Variants in STPG2 observed in about 807,000 individuals in gnomAD.
STPG2 encodes sperm-tail PG-rich repeat-containing protein 2.
In STPG2, 56 loss-of-function variants were observed where a neutral mutation model predicts 54.2. The ratio of observed to expected loss-of-function variants is 1.03; its 90% CI spans 0.83 to 1.29. The LOEUF is 1.29. Ranked by LOEUF, STPG2 falls within the 50% of genes most tolerant of loss-of-function variation. The pLI is 0.00. For missense variants in STPG2, 596 were observed against 544.9 expected (o/e 1.09, Z -0.93); for synonymous variants, 200 against 181.8 (o/e 1.10, Z -0.81).
At chr4:97,975,033 G>T (rs954440881) in intron 6 of STPG2, among the ~76,000 whole-genome samples, 2 of 152,096 alleles carry the variant, frequency 1.3e-5, no homozygotes, top group African/African-American at 4.8e-5. Flanking sequence ...AGTAAAAAAA[G>T]GCAGACTCAA....
intron 5 of STPG2, among the ~76,000 whole-genome samples, chr4:98,036,621 A>T (rs973795561): frequency 6.6e-6 from 1 of 152,042 alleles, no homozygotes; most frequent in African/African-American, 2.4e-5. Context: ...ACACATGGAC[A>T]CCGAGAGGAA....
intron 8 of STPG2, among the ~76,000 whole-genome samples, chr4:97,853,327 T>C (rs373478188): frequency 6.6e-6 from 1 of 152,200 alleles, no homozygotes; most frequent in Non-Finnish European, 1.5e-5. Flanking sequence ...TTGCCAGATT[T>C]ATAGTGCTTA....
At chr4:97,601,873 T>C (rs763522722) in intron 10 of STPG2, among the ~76,000 whole-genome samples, 1 of 151,888 alleles carries the variant, frequency 6.6e-6, no homozygotes, top group Non-Finnish European at 1.5e-5. Flanking sequence ...ATAGATCAAG[T>C]TGGGAGAATT....
At chr4:97,580,050 T>C (rs777734066) in intron 10 of STPG2, among the ~76,000 whole-genome samples, 3 of 151,998 alleles carry the variant, frequency 2.0e-5, no homozygotes, top group Non-Finnish European at 4.4e-5. Flanking sequence ...GTAAATATAT[T>C]AACTTTTTCA....
intron 4 of STPG2, among the ~76,000 whole-genome samples, chr4:97,525,303 G>A (rs1478591000): frequency 6.6e-6 from 1 of 151,854 alleles, no homozygotes; most frequent in Non-Finnish European, 1.5e-5. Flanking sequence ...TTATGGGGCA[G>A]CTATAACCTC....
At chr4:97,458,893 C>T (rs1729590249) in intron 4 of STPG2, among the ~76,000 whole-genome samples, 1 of 152,006 alleles carries the variant, frequency 6.6e-6, no homozygotes, top group Non-Finnish European at 1.5e-5. Context: ...TAACTAAATT[C>T]AATGGATAAT....
At chr4:97,961,947 G>A (rs1733904689) in intron 7 of STPG2, among the ~76,000 whole-genome samples, 1 of 152,074 alleles carries the variant, frequency 6.6e-6, no homozygotes, top group Non-Finnish European at 1.5e-5. Context: ...GTAAAAATGT[G>A]GAACCAACCC....
At chr4:97,750,117 A>G (rs950743970) in intron 9 of STPG2, among the ~76,000 whole-genome samples, 2 of 151,880 alleles carry the variant, frequency 1.3e-5, no homozygotes, top group Non-Finnish European at 2.9e-5. Flanking sequence ...ATCCAGGCCA[A>G]AATAGAATGC....
intron 1 of STPG2, among the ~76,000 whole-genome samples, chr4:98,141,749 G>A (rs1318771201): frequency 6.6e-6 from 1 of 152,002 alleles, no homozygotes; most frequent in African/African-American, 2.4e-5. Flanking sequence ...ACTCATATTT[G>A]GCTCGGAATA....
intron 10 of STPG2, among the ~76,000 whole-genome samples, chr4:97,638,560 C>T (rs1179242132): frequency 1.3e-5 from 2 of 150,806 alleles, no homozygotes; most frequent in African/African-American, 4.9e-5. Flanking sequence ...AACAGGCAAC[C>T]TACAAAATGG....
At chr4:97,692,161 G>T (rs1171676580) in intron 10 of STPG2, among the ~76,000 whole-genome samples, 1 of 152,078 alleles carries the variant, frequency 6.6e-6, no homozygotes, top group East Asian at 1.9e-4. Flanking sequence ...AAGCTCACCA[G>T]CAGTGGATCA....
intron 8 of STPG2, among the ~76,000 whole-genome samples, chr4:97,907,355 A>C (rs1731473740): frequency 6.6e-6 from 1 of 152,202 alleles, no homozygotes; most frequent in Non-Finnish European, 1.5e-5. Context: ...CCACTGCTCA[A>C]GGAAATAAAA....
intron 5 of STPG2, among the ~76,000 whole-genome samples, chr4:98,039,800 T>A (rs1736892947): frequency 6.6e-6 from 1 of 151,960 alleles, no homozygotes; most frequent in Non-Finnish European, 1.5e-5. Context: ...GTCAGGAATC[T>A]TTTTTATATA....
intron 10 of STPG2, among the ~76,000 whole-genome samples, chr4:97,579,992 T>C (rs1455875686): frequency 1.3e-5 from 2 of 151,892 alleles, no homozygotes; most frequent in Non-Finnish European, 2.9e-5. Context: ...ATAGAAATAA[T>C]GAAAGAAAGC....
intron 8 of STPG2, among the ~76,000 whole-genome samples, chr4:97,865,445 C>G (rs1365682065): frequency 6.6e-6 from 1 of 152,128 alleles, no homozygotes; most frequent in Non-Finnish European, 1.5e-5. Context: ...ACAACAGGTG[C>G]TGGAGAGGAT....
chr4:98,057,278 T>C (rs953918244), intron 5 of STPG2, among the ~76,000 whole-genome samples: 11 of 152,116 alleles, frequency 7.2e-5, no homozygotes, highest in African/African-American at 2.4e-4. Flanking sequence ...CAGGAATACA[T>C]TGAAACCAAA....
chr4:98,004,009 T>C (rs1201410880), intron 5 of STPG2, among the ~76,000 whole-genome samples: 1 of 146,782 alleles, frequency 6.8e-6, no homozygotes, highest in Admixed American at 7.1e-5. Flanking sequence ...TGTGTGTGTA[T>C]GTGTGTGTGT....
intron 9 of STPG2, among the ~76,000 whole-genome samples, chr4:97,788,470 A>G (rs1726892985): frequency 6.6e-6 from 1 of 152,110 alleles, no homozygotes; most frequent in African/African-American, 2.4e-5. Context: ...TTATCCATTC[A>G]TCTGTTGATG....
chr4:97,672,490 T>C (rs1722731956), intron 10 of STPG2, among the ~76,000 whole-genome samples: 1 of 152,144 alleles, frequency 6.6e-6, no homozygotes, highest in Admixed American at 6.5e-5. Context: ...AAACTAGTAA[T>C]TCTAAAGTAT....
Sources: allele counts gnomAD v4.1 joint callset (sites outside exome capture counted in the v4.1 genomes callset), GRCh38; gene constraint gnomAD v4.1.1; transcripts MANE v1.5; gene names NCBI Gene and HGNC (gene_info 2026-07-23, HGNC 2026-07-21).